DCDC1: variants seen among roughly 807,000 people sequenced by gnomAD.
DCDC1 encodes the protein doublecortin domain-containing protein 1.
In DCDC1, 200 loss-of-function variants were observed where a neutral mutation model predicts 178.3. The observed-to-expected ratio is 1.12, with a 90% CI of 1.00 to 1.26. The LOEUF is 1.26. Ranked by LOEUF, DCDC1 falls within the 50% of genes most tolerant of loss-of-function variation. DCDC1 has a pLI of 0.00. For missense variants in DCDC1, 1,983 were observed against 1,749.2 expected, an observed-to-expected ratio of 1.13 and a Z score of -2.38; for synonymous variants, 690 against 604.8, an observed-to-expected ratio of 1.14 and a Z score of -2.07.
chr11:30,920,732 C>T lies in DCDC1; in HGVS notation c.3293+44G>A. On this transcript the variant is annotated intron_variant, in intron 25 of 38. Transcript: ENST00000684477. ...TGTTATCGGGCTAATGAGCTGAGTTCAAAAAGCAGCCAGGTAGCTTTTCAG... is the reference window on the plus strand; with the variant it reads ...TGTTATCGGGCTAATGAGCTGAGTTTAAAAAGCAGCCAGGTAGCTTTTCAG... The T allele has an allele frequency of 8.7e-6, 14 of 1,602,246 alleles. 1 individual carries two copies. Among genetic ancestry groups the T allele is most frequent in the East Asian group, 2.2e-5 (1 of 44,712 alleles).
At chr11:31,073,269 T>C (rs1411605664) in intron 18 of DCDC1, among the ~76,000 whole-genome samples, 1 of 152,180 alleles carries the variant, frequency 6.6e-6, no homozygotes, top group East Asian at 1.9e-4. Context: ...AAAGTATGCA[T>C]CATTTGATAA....
In DCDC1 at chr11:30,892,985, C is replaced by T. The variant is rs1943913065; in HGVS notation, c.4915G>A (p.Glu1639Lys). ...LIRHTEAHLS[E>K]IQEMESKINF... The stretch of plus-strand genomic sequence containing the variant: ...ATTTTGGATTCCATTTCTTGGATTT[C>T]AGAAAGGTGTGCCTGTCAAGAAAAG... The change falls in exon 36 of 39, where the codon GAA becomes AAA. Residue 1639 changes from glutamate (E) to lysine (K), a missense_variant. Coordinates refer to ENST00000684477, the MANE Select transcript of DCDC1 (RefSeq NM_001387274.1). 1.9e-6 allele frequency: 3 copies of T among 1,613,594 alleles called. No homozygotes were observed. The highest frequency in any genetic ancestry group is 2.5e-6 in the Non-Finnish European group (3 of 1,179,812).
intron 9 of DCDC1, among the ~76,000 whole-genome samples, chr11:31,219,507 G>T (rs1428040974): frequency 6.6e-6 from 1 of 152,156 alleles, no homozygotes; most frequent in African/African-American, 2.4e-5. Context: ...GACAGAAAAT[G>T]TTGAAGATAT....
chr11:31,171,206 A>G (rs1397221439), intron 9 of DCDC1, among the ~76,000 whole-genome samples: 4 of 152,202 alleles, frequency 2.6e-5, no homozygotes, highest in African/African-American at 9.7e-5. Flanking sequence ...CACAGGATCC[A>G]TCACTGGAAC....
intron 27 of DCDC1, among the ~76,000 whole-genome samples, chr11:30,914,382 C>T (rs542814169): frequency 6.6e-6 from 1 of 152,230 alleles, no homozygotes; most frequent in Non-Finnish European, 1.5e-5. Flanking sequence ...GTGCAACCTC[C>T]CTCAAAGTAC....
intron 9 of DCDC1, among the ~76,000 whole-genome samples, chr11:31,203,829 C>A (rs1233662534): frequency 1.3e-5 from 2 of 151,992 alleles, no homozygotes; most frequent in African/African-American, 4.8e-5. Context: ...TGCTTCTATT[C>A]AACATTACAC....
At chr11:30,931,011 A>G (rs772384000) in intron 22 of DCDC1, among the ~76,000 whole-genome samples, 6 of 152,176 alleles carry the variant, frequency 3.9e-5, no homozygotes, top group Non-Finnish European at 8.8e-5. Flanking sequence ...TGAAAAAAGT[A>G]GTATTAAACT....
At chr11:31,145,882 C>A (rs1964388725) in intron 9 of DCDC1, among the ~76,000 whole-genome samples, 1 of 152,016 alleles carries the variant, frequency 6.6e-6, no homozygotes, top group South Asian at 2.1e-4. Context: ...CTTATAAATC[C>A]CGTTTTGTCT....
At chr11:31,091,749 ATCT>A (rs765779467) in intron 16 of DCDC1, among the ~76,000 whole-genome samples, 19 of 152,146 alleles carry the variant, frequency 1.2e-4, no homozygotes, top group Admixed American at 3.9e-4. Context: ...AGACCTTGAT[ATCT>A]TCATTTGTCT....
chr11:31,101,803 G>A (rs1018547359), intron 15 of DCDC1, among the ~76,000 whole-genome samples: 6 of 151,988 alleles, frequency 3.9e-5, no homozygotes, highest in East Asian at 3.9e-4. Flanking sequence ...CAGTCCAGGC[G>A]CAGTGGCTCA....
chr11:30,911,873 T>C (rs1028412931), intron 27 of DCDC1, among the ~76,000 whole-genome samples: 1 of 152,150 alleles, frequency 6.6e-6, no homozygotes, highest in African/African-American at 2.4e-5. Flanking sequence ...CCCCCCTATA[T>C]GTTCCAGAAT....
At chr11:31,317,675 C>T (rs2137742154) in intron 3 of DCDC1, among the ~76,000 whole-genome samples, 1 of 40,434 alleles carries the variant, frequency 2.5e-5, no homozygotes, top group East Asian at 3.8e-4. Context: ...TTGCCCTGGC[C>T]AGAACTTCCA....
chr11:31,283,898 C>T (rs1452629729), intron 7 of DCDC1, among the ~76,000 whole-genome samples: 2 of 152,066 alleles, frequency 1.3e-5, no homozygotes, highest in Non-Finnish European at 1.5e-5. Flanking sequence ...ACTTTGATGT[C>T]TTTCTCTTCA....
chr11:31,086,785 G>C (rs1036512852), intron 17 of DCDC1, among the ~76,000 whole-genome samples: 2 of 151,994 alleles, frequency 1.3e-5, no homozygotes, highest in Admixed American at 1.3e-4. Context: ...TTTATAAATT[G>C]TTGTATTCCA....
chr11:31,342,964 T>TA (rs1168173650), intron 1 of DCDC1, among the ~76,000 whole-genome samples: 1 of 152,142 alleles, frequency 6.6e-6, no homozygotes, highest in Non-Finnish European at 1.5e-5. Flanking sequence ...TTTTTTCCCA[T>TA]AAAGTAGTTC....
intron 24 of DCDC1, among the ~76,000 whole-genome samples, chr11:30,922,115 C>T (rs1291071900): frequency 6.6e-6 from 1 of 152,192 alleles, no homozygotes; most frequent in Admixed American, 6.5e-5. Context: ...AGAAGATCTG[C>T]AACCCAAGTG....
chr11:31,264,001 G>T (rs1944972549), intron 8 of DCDC1, among the ~76,000 whole-genome samples: 1 of 152,140 alleles, frequency 6.6e-6, no homozygotes, highest in Non-Finnish European at 1.5e-5. Context: ...TTTTGACAAA[G>T]ACAATGAAAT....
At chr11:31,225,764 C>G (rs942221886) in intron 9 of DCDC1, among the ~76,000 whole-genome samples, 2 of 148,874 alleles carry the variant, frequency 1.3e-5, no homozygotes, top group African/African-American at 5.0e-5. Context: ...TGCTTTATTT[C>G]CTGAAAAAAA....
rs570734644 is a variant in DCDC1, at chr11:31,095,537, T to C, written c.1984-1353A>G. On this transcript the variant is annotated intron_variant, in intron 15 of 38. Transcript: ENST00000684477. ...CTGATAAGGGTAGAGGATAACAGAT[T>C]GTAGAATGAAGACATCAAAGACAGG... Among the ~76,000 whole-genome samples the C allele has an allele frequency of 1.1e-4, 16 of 152,274 alleles. No individual in the cohort carries two copies. In the South Asian group the frequency reaches 3.1e-3, roughly 30 times the overall value.
Sources: gnomAD v4.1 joint callset for allele counts (sites outside exome capture counted in the v4.1 genomes callset) on GRCh38, gnomAD v4.1.1 for gene constraint, MANE v1.5 for transcripts, NCBI Gene and HGNC (gene_info 2026-07-23, HGNC 2026-07-21) for gene names.